TTK: variants seen among roughly 807,000 people sequenced by gnomAD.
TTK encodes the protein TTK protein kinase.
In TTK, 59 loss-of-function variants were observed where a neutral mutation model predicts 117.3. The ratio of observed to expected loss-of-function variants is 0.50; its 90% CI spans 0.41 to 0.62. The LOEUF (loss-of-function observed/expected upper bound fraction) is 0.62, where lower values mean the gene tolerates loss of function less well. Ranked by LOEUF, TTK falls within the 20% of genes least tolerant of loss-of-function variation. TTK has a pLI of 0.00. For missense variants in TTK, 921 were observed against 989.4 expected (o/e 0.93, Z 0.93); for synonymous variants, 302 against 325.0 (o/e 0.93, Z 0.76).
intron 8 of TTK, among the ~76,000 whole-genome samples, chr6:80,012,539 G>C (rs1003837438): frequency 3.9e-5 from 6 of 151,990 alleles, no homozygotes; most frequent in Non-Finnish European, 2.9e-5. Context: ...CTGTAGCTCA[G>C]CTAAAGGAGA....
intron 1 of TTK, among the ~76,000 whole-genome samples, chr6:80,005,497 G>T (rs1166622852): frequency 6.6e-6 from 1 of 152,188 alleles, no homozygotes; most frequent in East Asian, 1.9e-4. Flanking sequence ...GTCACTACCA[G>T]AATCCAAGCA....
At chr6:80,020,950 C>G (rs1191897837) in intron 10 of TTK, among the ~76,000 whole-genome samples, 1 of 152,184 alleles carries the variant, frequency 6.6e-6, no homozygotes. Flanking sequence ...GGAGAAAAGT[C>G]CTGAGATCTT....
intron 18 of TTK, 144 bp from the exon 19 acceptor site, chr6:80,039,552 A>G: frequency 2.0e-6 from 1 of 500,026 alleles, no homozygotes. Flanking sequence ...AACTAGAAAA[A>G]GATGTTTTGT....
At chr6:80,011,651 G>C (rs767628082) in intron 6 of TTK, 78 bp from the exon 7 acceptor site, 3 of 1,559,972 alleles carry the variant, frequency 1.9e-6, no homozygotes, top group Non-Finnish European at 2.6e-6. Flanking sequence ...TCATGTGTGT[G>C]ATAATGTTTA....
intron 10 of TTK, among the ~76,000 whole-genome samples, chr6:80,018,088 T>C (rs571895420): frequency 3.0e-4 from 45 of 151,766 alleles, no homozygotes; most frequent in Admixed American, 2.8e-3. Flanking sequence ...GGTGAAAGGA[T>C]CACTTGAGCC....
rs1767759870 is a variant in TTK at position 80,031,536 on chromosome 6, A to T, written c.1591A>T (p.Ile531Leu). ...KGRIYSILKQ[I>L]GSGGSSKVFQ... is the part of the protein sequence containing the mutation. The stretch of plus-strand genomic sequence containing the variant: ...AAGAATTTATTCCATATTAAAGCAG[A>T]TAGGAAGTGGAGGTTCAAGCAAGGT... Residue 531 changes from isoleucine to leucine, a missense_variant, in exon 14 of 22, where the codon ATA becomes TTA. By Grantham distance (5) the Ile-to-Leu change is conservative. Transcript: ENST00000369798. 6.5e-7 allele frequency: 1 copy of T among 1,533,618 alleles called. No homozygotes were observed. Among genetic ancestry groups the T allele is most frequent in the African/African-American group, 1.4e-5 (1 of 70,226 alleles).
chr6:80,028,427 C>T (rs755630218), intron 13 of TTK, among the ~76,000 whole-genome samples: 2 of 151,950 alleles, frequency 1.3e-5, no homozygotes, highest in African/African-American at 2.4e-5. Flanking sequence ...AAGCGATTCT[C>T]GTGCCTTAGC....
At chr6:80,028,442 C>G (rs531729687) in intron 13 of TTK, among the ~76,000 whole-genome samples, 1 of 151,758 alleles carries the variant, frequency 6.6e-6, no homozygotes, top group Non-Finnish European at 1.5e-5. Flanking sequence ...CTTAGCCTCC[C>G]GAGTAGCTGA....
In TTK at chr6:80,032,890, G is replaced by A. The variant is rs967745128; in HGVS notation, c.1614+1331G>A. Among the ~76,000 whole-genome samples the A allele has an allele frequency of 7.2e-5, 11 of 151,756 alleles. 1 individual carries two copies. In the South Asian group the frequency reaches 2.3e-3, roughly 32 times the overall value. On this transcript the variant is annotated intron_variant, in intron 14 of 21. Transcript: ENST00000369798. ...AAATTAGAGTTGTATATTTTTATGG[G>A]GTACAAAGTGGTATTAGCTTTTTAA...
At chr6:80,016,644 G>T (rs981280087) in intron 10 of TTK, among the ~76,000 whole-genome samples, 3 of 152,076 alleles carry the variant, frequency 2.0e-5, no homozygotes, top group Non-Finnish European at 2.9e-5. Context: ...ATATGTGTTT[G>T]TAAGGGAAAA....
intron 11 of TTK, among the ~76,000 whole-genome samples, chr6:80,025,605 G>A (rs183302101): frequency 6.6e-6 from 1 of 152,174 alleles, no homozygotes; most frequent in Non-Finnish European, 1.5e-5. Context: ...TATGTAAAGG[G>A]TTAGCAGGCT....
chr6:80,030,627 G>A (rs1293830932), intron 13 of TTK, among the ~76,000 whole-genome samples: 1 of 151,928 alleles, frequency 6.6e-6, no homozygotes, highest in Non-Finnish European at 1.5e-5. Flanking sequence ...GAGAGTTGGG[G>A]GCAGATGCCA....
chr6:80,041,090 G>A (rs1768038537), intron 21 of TTK, among the ~76,000 whole-genome samples: 1 of 151,576 alleles, frequency 6.6e-6, no homozygotes, highest in Non-Finnish European at 1.5e-5. Context: ...TTTTGAAGCT[G>A]TACACAGCAA....
intron 2 of TTK, among the ~76,000 whole-genome samples, chr6:80,006,858 T>G (rs1767007812): frequency 6.6e-6 from 1 of 152,126 alleles, no homozygotes; most frequent in South Asian, 2.1e-4. Context: ...GCATGCACTA[T>G]ATTTTAGTAG....
intron 18 of TTK, among the ~76,000 whole-genome samples, chr6:80,039,486 T>C (rs561312376): frequency 1.3e-5 from 2 of 152,014 alleles, no homozygotes; most frequent in South Asian, 2.1e-4. Flanking sequence ...TATGAGGTTA[T>C]AGAAAGATTT....
intron 18 of TTK, among the ~76,000 whole-genome samples, 168 bp from the exon 19 acceptor site, chr6:80,039,528 C>G (rs1308240612): frequency 6.6e-6 from 1 of 151,632 alleles, no homozygotes; most frequent in Non-Finnish European, 1.5e-5. Flanking sequence ...GATGGAATAA[C>G]CAACTGAAAT....
intron 5 of TTK, 128 bp downstream of exon 5, chr6:80,011,085 G>A (rs1582089012): frequency 8.3e-7 from 1 of 1,200,192 alleles, no homozygotes; most frequent in East Asian, 2.7e-5. Context: ...TTGTAAAGGA[G>A]GTAAGACTGA....
At chr6:80,022,586 AGTTT>A in intron 11 of TTK, 114 bp downstream of exon 11, 1 of 1,185,432 alleles carries the variant, frequency 8.4e-7, no homozygotes. Context: ...TTAGTAGAAT[AGTTT>A]ATTTAAAGGT....
intron 12 of TTK, 105 bp from the exon 13 acceptor site, chr6:80,027,780 G>A: frequency 1.2e-6 from 1 of 811,974 alleles, no homozygotes; most frequent in Non-Finnish European, 1.8e-6. Context: ...GGTTCTGTTT[G>A]ATGTAACACT....
Sources: gnomAD v4.1 joint callset for allele counts (sites outside exome capture counted in the v4.1 genomes callset) on GRCh38, gnomAD v4.1.1 for gene constraint, MANE v1.5 for transcripts, NCBI Gene and HGNC (gene_info 2026-07-23, HGNC 2026-07-21) for gene names.